EZR: variants seen among roughly 807,000 people sequenced by gnomAD.
EZR encodes the protein cytovillin 2.
In EZR, 40 loss-of-function variants were observed where a neutral mutation model predicts 74.8. That is an observed-to-expected ratio of 0.53 (90% CI 0.42 to 0.70). The LOEUF is 0.70. EZR is among the 30% of genes least tolerant of loss of function. EZR has a pLI of 0.00. For synonymous variants in EZR, 341 were observed against 283.3 expected (o/e 1.20, Z -2.05); for missense variants, 678 against 755.8 (o/e 0.90, Z 1.21).
At chr6:158,770,499 A>G (rs1380878976) in intron 10 of EZR, among the ~76,000 whole-genome samples, 2 of 152,232 alleles carry the variant, frequency 1.3e-5, no homozygotes, top group Admixed American at 6.5e-5. Context: ...TACTGTCCTC[A>G]TCGGGGAAAC....
intron 7 of EZR, among the ~76,000 whole-genome samples, chr6:158,778,229 T>G (rs1032604082): frequency 6.6e-6 from 1 of 152,202 alleles, no homozygotes; most frequent in African/African-American, 2.4e-5. Context: ...TGCCGCATCC[T>G]GAAACTTCAA....
At chr6:158,791,567 C>T (rs1419686849) in intron 2 of EZR, among the ~76,000 whole-genome samples, 2 of 151,966 alleles carry the variant, frequency 1.3e-5, no homozygotes, top group Non-Finnish European at 2.9e-5. Context: ...AATGCAGAAC[C>T]CTGGATATGC....
chr6:158,788,445 G>A (rs999959084), intron 3 of EZR: 4 of 152,204 alleles, frequency 2.6e-5, no homozygotes, highest in East Asian at 1.9e-4. Context: ...TCAGGAGTTC[G>A]AGACTAGCCT....
intron 3 of EZR, among the ~76,000 whole-genome samples, chr6:158,787,907 T>C (rs990717008): frequency 1.3e-5 from 2 of 152,198 alleles, no homozygotes; most frequent in African/African-American, 4.8e-5. Context: ...CTGTTGTGCA[T>C]TACAGGAGTC....
rs202176005 is a variant in EZR at position 158,767,041 on chromosome 6, T to C, written c.1634A>G (p.Asn545Ser). The change falls in exon 14 of 14, where the codon AAT becomes AGT. Residue 545 changes from asparagine to serine, a missense_variant. This residue lies in a region of EZR where 342 missense variants were observed against 341.2 expected (regional missense o/e 1.00). Coordinates refer to ENST00000367075, the MANE Select transcript of EZR (RefSeq NM_001111077.2). The part of the protein sequence containing the change: ...SSELSQARDE[N>S]KRTHNDIIHN... ...GATGATGTCATTGTGGGTCCTCTTA[T>C]TCTCATCTCGGGCCTGGGACAGCTC... 3.1e-6 allele frequency: 5 copies of C among 1,614,204 alleles called. No homozygotes were observed. The African/African-American group carries it at 5.3e-5, about 17-fold the overall frequency.
intron 2 of EZR, among the ~76,000 whole-genome samples, chr6:158,813,149 T>C (rs577440036): frequency 4.6e-5 from 7 of 152,324 alleles, no homozygotes; most frequent in African/African-American, 1.7e-4. Flanking sequence ...TCTAGCCACA[T>C]TGGGCTTCAT....
intron 2 of EZR, among the ~76,000 whole-genome samples, chr6:158,800,486 A>G (rs1355866517): frequency 3.3e-5 from 5 of 152,144 alleles, no homozygotes; most frequent in Admixed American, 3.3e-4. Flanking sequence ...GACTTTTAGG[A>G]GGTGGAAATA....
intron 7 of EZR, among the ~76,000 whole-genome samples, chr6:158,778,968 A>G (rs905692746): frequency 3.9e-5 from 6 of 152,186 alleles, no homozygotes; most frequent in Non-Finnish European, 2.9e-5. Context: ...CAGTAATCTC[A>G]TCAATGGTAG....
chr6:158,818,803 G>C (rs552469681), intron 1 of EZR, among the ~76,000 whole-genome samples: 329 of 148,210 alleles, frequency 2.2e-3, no homozygotes, highest in African/African-American at 7.6e-3. Flanking sequence ...GCGAGCCCGC[G>C]GGGCACCCGA....
chr6:158,818,311 G>C (rs1022002030), intron 1 of EZR, 145 bp from the exon 2 acceptor site: 21 of 305,720 alleles, frequency 6.9e-5, no homozygotes, highest in Non-Finnish European at 1.1e-4. Context: ...CCAGCACTGC[G>C]GGCATGGGGA....
chr6:158,797,884 T>C (rs974153601), intron 2 of EZR, among the ~76,000 whole-genome samples: 1 of 152,238 alleles, frequency 6.6e-6, no homozygotes, highest in Non-Finnish European at 1.5e-5. Flanking sequence ...TCAGTGGTTT[T>C]TAGTATATTC....
At chr6:158,768,695 A>C (rs952976613) in intron 12 of EZR, among the ~76,000 whole-genome samples, 3 of 152,128 alleles carry the variant, frequency 2.0e-5, no homozygotes, top group African/African-American at 7.2e-5. Flanking sequence ...CCACAATGAG[A>C]GCTACAGCTG....
Position 158,766,229 on chromosome 6 carries a change from TGTATATAAATA to T in EZR, c.*674_*684del, listed in dbSNP as rs1158288357. 1.3e-5 allele frequency: 2 copies of T among 152,358 alleles called. No individual in the cohort carries two copies. The highest frequency in any genetic ancestry group is 1.9e-4 in the East Asian group (1 of 5,192). The allele number at this position is 152,358 out of a possible 1,614,324, so 9.4% of individuals were successfully genotyped here. A position where few individuals can be genotyped will look rare whatever the true frequency, so the allele number is the denominator to read the frequency against. ...AATGTTACAAATCTGTATTATCACT[TGTATATAAATA>T]GTATATAGCTGATCATTAATAAGGT... On this transcript the variant is annotated 3_prime_UTR_variant, in exon 14 of 14. Coordinates refer to ENST00000367075, the MANE Select transcript of EZR (RefSeq NM_001111077.2).
intron 2 of EZR, among the ~76,000 whole-genome samples, chr6:158,808,930 C>A (rs188740958): frequency 4.6e-5 from 7 of 152,126 alleles, no homozygotes; most frequent in Non-Finnish European, 1.0e-4. Context: ...GTGTTTGAGA[C>A]CAGCCTGCAC....
intron 2 of EZR, 134 bp downstream of exon 2, chr6:158,817,948 C>T (rs984573445): frequency 2.2e-5 from 17 of 773,936 alleles, no homozygotes; most frequent in Non-Finnish European, 3.3e-5. Context: ...GCGAAAACCT[C>T]CTCCTATTCC....
At chr6:158,780,935 A>T (rs1471553853) in intron 7 of EZR, among the ~76,000 whole-genome samples, 2 of 152,194 alleles carry the variant, frequency 1.3e-5, no homozygotes, top group Non-Finnish European at 2.9e-5. Flanking sequence ...CTTAATGCTT[A>T]TGTGTACAAT....
chr6:158,815,001 G>T (rs181325711), intron 2 of EZR, among the ~76,000 whole-genome samples: 12 of 152,330 alleles, frequency 7.9e-5, no homozygotes, highest in Admixed American at 3.3e-4. Context: ...AGGGTTAACA[G>T]TTGCAATGAA....
At chr6:158,774,049 G>T (rs572133268) in intron 8 of EZR, among the ~76,000 whole-genome samples, 1 of 152,244 alleles carries the variant, frequency 6.6e-6, no homozygotes, top group East Asian at 1.9e-4. Flanking sequence ...AGACTCATTT[G>T]TGAGTTCACA....
intron 2 of EZR, among the ~76,000 whole-genome samples, chr6:158,801,515 A>G (rs1006069939): frequency 6.6e-6 from 1 of 152,224 alleles, no homozygotes; most frequent in African/African-American, 2.4e-5. Context: ...TTGTCACATA[A>G]TTCAGTAACA....
Sources: allele counts gnomAD v4.1 joint callset (sites outside exome capture counted in the v4.1 genomes callset), GRCh38; gene constraint gnomAD v4.1.1; regional missense constraint gnomAD v4.1.1; transcripts MANE v1.5; gene names NCBI Gene and HGNC (gene_info 2026-07-23, HGNC 2026-07-21).